GFRAL: variants seen among roughly 807,000 people sequenced by gnomAD.
GFRAL encodes GDNF family receptor alpha like.
Under a neutral mutation model 45.4 loss-of-function variants are expected in GFRAL, and 36 were observed. That is an observed-to-expected ratio of 0.79 (90% CI 0.61 to 1.05). The LOEUF (loss-of-function observed/expected upper bound fraction) is 1.05, where lower values mean the gene tolerates loss of function less well. GFRAL is among the 50% of genes least tolerant of loss of function. GFRAL has a pLI of 0.00. For synonymous variants in GFRAL, 166 were observed against 154.1 expected (o/e 1.08, Z -0.57); for missense variants, 507 against 467.5 (o/e 1.08, Z -0.78).
chr6:55,370,177 A>G (rs1044738386), intron 6 of GFRAL, among the ~76,000 whole-genome samples: 3 of 151,980 alleles, frequency 2.0e-5, no homozygotes, highest in African/African-American at 7.2e-5. Context: ...TATGAAAAAT[A>G]ATTATATTTA....
chr6:55,385,272 G>A (rs1768664120), intron 6 of GFRAL, among the ~76,000 whole-genome samples: 1 of 152,042 alleles, frequency 6.6e-6, no homozygotes, highest in Non-Finnish European at 1.5e-5. Flanking sequence ...GTAAAATGAT[G>A]ACATGGAGAA....
At chr6:55,391,787 A>G (rs1289661380) in intron 6 of GFRAL, among the ~76,000 whole-genome samples, 1 of 152,200 alleles carries the variant, frequency 6.6e-6, no homozygotes, top group Non-Finnish European at 1.5e-5. Flanking sequence ...TAACTTGCCT[A>G]AAATGACTGA....
chr6:55,343,271 T>A (rs142153212), intron 3 of GFRAL, among the ~76,000 whole-genome samples: 1 of 152,136 alleles, frequency 6.6e-6, no homozygotes, highest in Non-Finnish European at 1.5e-5. Context: ...GACCACATAG[T>A]TGGAAGTAAA....
rs1248869647 is a variant in GFRAL at position 55,399,251 on chromosome 6, A to T, written c.1024A>T (p.Thr342Ser). The change falls in exon 7 of 9, where the codon ACT (threonine) becomes TCT (serine). Residue 342 changes from threonine (T) to serine (S), a missense_variant. Thr to Ser is a moderately conservative substitution (Grantham distance 58). Transcript: ENST00000340465. ...AAAACATGCAAACAAAATCACTTTA[A>T]CTGGATTTCATTCCCCCTTCAATGG... ...TRKHANKITL[T>S]GFHSPFNGEV... 6.2e-7 allele frequency: 1 copy of T among 1,603,456 alleles called. No homozygotes were observed. Among genetic ancestry groups the T allele is most frequent in the Admixed American group, 1.7e-5 (1 of 59,834 alleles).
Position 55,327,487 on chromosome 6 carries a change from C to A in GFRAL, c.-68C>A. ...TGAAGCCTTATTCTGGACAGTTACT[C>A]TTAAGAAAGTTGTCAGAAGAAACGC... On this transcript the variant is annotated 5_prime_UTR_variant, in exon 1 of 9. Transcript: ENST00000340465. 1 of 1,567,322 alleles carries A rather than the reference C, an allele frequency of 6.4e-7. No homozygotes were observed. The highest frequency in any genetic ancestry group is 8.8e-7 in the Non-Finnish European group (1 of 1,139,794).
At position 55,330,385 on chromosome 6, in the gene GFRAL, A is replaced by G. The variant is rs186607296; in HGVS notation, c.23-1330A>G. Among the ~76,000 whole-genome samples the G allele has an allele frequency of 3.4e-3, 517 of 152,256 alleles. 6 individuals are homozygous for G. The highest frequency in any genetic ancestry group is 0.012 in the African/African-American group (498 of 41,554). On this transcript the variant is annotated intron_variant, in intron 1 of 8. Coordinates refer to ENST00000340465, the MANE Select transcript of GFRAL (RefSeq NM_207410.2). ...ACAATCCAGTGGTGGAGACAGGCACATGAATATATACACTACAGAACAGTA... is the reference window on the plus strand; with the variant it reads ...ACAATCCAGTGGTGGAGACAGGCACGTGAATATATACACTACAGAACAGTA...
intron 2 of GFRAL, among the ~76,000 whole-genome samples, chr6:55,332,568 C>T (rs146981627): frequency 0.013 from 1,930 of 151,964 alleles, 37 homozygotes; most frequent in South Asian, 0.072. Context: ...GGACTACAGG[C>T]GCATGCCACC....
chr6:55,355,034 T>C (rs1768169721), intron 5 of GFRAL, among the ~76,000 whole-genome samples: 2 of 151,974 alleles, frequency 1.3e-5, no homozygotes, highest in Non-Finnish European at 2.9e-5. Flanking sequence ...CTTAAAAAAG[T>C]AATGACAAGG....
In GFRAL at chr6:55,351,318, G is replaced by T; in HGVS notation, c.436G>T (p.Ala146Ser). ...ATGTGTAGGGGATGTGGTCTGTAAT[G>T]CACAGTTGGCCTCTTACCTTAAAGC... ...EACVGDVVCN[A>S]QLASYLKACS... Residue 146 changes from alanine (A) to serine (S), a missense_variant, in exon 5 of 9, where the codon GCA becomes TCA. Ala to Ser is a moderately conservative substitution (Grantham distance 99). Coordinates refer to ENST00000340465, the MANE Select transcript of GFRAL (RefSeq NM_207410.2). 1 of 1,613,456 alleles carries T rather than the reference G, an allele frequency of 6.2e-7. No individual in the cohort carries two copies. Among genetic ancestry groups the T allele is most frequent in the East Asian group, 2.2e-5 (1 of 44,856 alleles).
At chr6:55,396,929 G>C (rs1768833247) in intron 6 of GFRAL, among the ~76,000 whole-genome samples, 1 of 150,466 alleles carries the variant, frequency 6.6e-6, no homozygotes, top group South Asian at 2.1e-4. Context: ...ACCCAGGCTG[G>C]AGTGTAGTGG....
chr6:55,373,593 C>G (rs1768482324), intron 6 of GFRAL, among the ~76,000 whole-genome samples: 1 of 152,136 alleles, frequency 6.6e-6, no homozygotes, highest in African/African-American at 2.4e-5. Context: ...GTGCCTCTCT[C>G]TCTCTCATTT....
intron 2 of GFRAL, among the ~76,000 whole-genome samples, chr6:55,333,032 G>A (rs115322970): frequency 0.013 from 1,987 of 151,870 alleles, 23 homozygotes; most frequent in Non-Finnish European, 0.022. Flanking sequence ...ATTTTATAAG[G>A]CAATTTAAAA....
chr6:55,333,644 A>G, intron 2 of GFRAL, 142 bp from the exon 3 acceptor site: 1 of 459,798 alleles, frequency 2.2e-6, no homozygotes, highest in Non-Finnish European at 3.8e-6. Context: ...AATGTCACTT[A>G]TATGGATATC....
intron 6 of GFRAL, among the ~76,000 whole-genome samples, chr6:55,372,599 A>C (rs1161053500): frequency 2.6e-5 from 4 of 152,142 alleles, no homozygotes; most frequent in African/African-American, 7.2e-5. Context: ...TAGGAAAATA[A>C]AAAATGTGGT....
chr6:55,401,690 C>T, intron 8 of GFRAL, 100 bp from the exon 9 acceptor site: 1 of 730,574 alleles, frequency 1.4e-6, no homozygotes, highest in South Asian at 1.6e-5. Flanking sequence ...TTAGTTTTTT[C>T]CTCCAGGTGC....
At chr6:55,348,368 T>C (rs187073001) in intron 3 of GFRAL, among the ~76,000 whole-genome samples, 6 of 152,236 alleles carry the variant, frequency 3.9e-5, no homozygotes, top group Admixed American at 1.3e-4. Flanking sequence ...GCACTTTATT[T>C]TCAGACACTA....
intron 3 of GFRAL, among the ~76,000 whole-genome samples, chr6:55,339,193 G>T (rs1767928605): frequency 6.6e-6 from 1 of 152,176 alleles, no homozygotes; most frequent in Non-Finnish European, 1.5e-5. Flanking sequence ...CAGGTGGCTG[G>T]CTTGGGACAA....
At position 55,327,511 on chromosome 6, in the gene GFRAL, G is replaced by T. The variant is rs201433318; in HGVS notation, c.-44G>T. ...TCTTAAGAAAGTTGTCAGAAGAAAC[G>T]CATCTGCCTTTTTTTCCAGGTGAAC... On this transcript the variant is annotated 5_prime_UTR_variant, in exon 1 of 9. Coordinates refer to ENST00000340465, the MANE Select transcript of GFRAL (RefSeq NM_207410.2). 2 of 1,609,746 alleles carry T rather than the reference G, an allele frequency of 1.2e-6. No homozygotes were observed. The highest frequency in any genetic ancestry group is 1.3e-5 in the African/African-American group (1 of 74,804).
intron 6 of GFRAL, among the ~76,000 whole-genome samples, chr6:55,370,196 T>C (rs1768432816): frequency 6.6e-6 from 1 of 152,050 alleles, no homozygotes; most frequent in Non-Finnish European, 1.5e-5. Context: ...TATCATTCAG[T>C]TAAAGAAAAA....
Sources: allele counts gnomAD v4.1 joint callset (sites outside exome capture counted in the v4.1 genomes callset), GRCh38; gene constraint gnomAD v4.1.1; transcripts MANE v1.5; gene names NCBI Gene and HGNC (gene_info 2026-07-23, HGNC 2026-07-21).